Variants in LSMEM2 observed in about 807,000 individuals in gnomAD.
LSMEM2 encodes the protein leucine rich single-pass membrane protein 2, also known as leucine-rich single-pass membrane protein 2.
In LSMEM2, 20 loss-of-function variants were observed where a neutral mutation model predicts 17.3. The ratio of observed to expected loss-of-function variants is 1.16; its 90% confidence interval spans 0.81 to 1.68. The LOEUF is 1.68. LSMEM2 is among the 40% of genes most tolerant of loss of function. LSMEM2 has a pLI of 0.00. For synonymous variants in LSMEM2, 94 were observed against 97.8 expected (o/e 0.96, Z 0.23); for missense variants, 207 against 214.3 (o/e 0.97, Z 0.21).
chr3:50,284,966 G>A (rs1553708202), intron 1 of LSMEM2, among the ~76,000 whole-genome samples: 1 of 151,928 alleles, frequency 6.6e-6, no homozygotes, highest in African/African-American at 2.4e-5. Context: ...AACCCAGGAG[G>A]TGGAGGTTGC....
chr3:50,280,625 G>A (rs1410513456), intron 1 of LSMEM2, among the ~76,000 whole-genome samples: 3 of 136,168 alleles, frequency 2.2e-5, no homozygotes, highest in Non-Finnish European at 4.7e-5. Flanking sequence ...ATGGAGTCTC[G>A]CTCTGTCGCC....
chr3:50,277,916 G>A (rs1480868685), upstream of LSMEM2, among the ~76,000 whole-genome samples: 2 of 151,416 alleles, frequency 1.3e-5, no homozygotes, highest in Non-Finnish European at 2.9e-5. Flanking sequence ...GCAGTGAGCC[G>A]AGATCGCCCC....
chr3:50,280,274 G>A (rs1464851567), intron 1 of LSMEM2, among the ~76,000 whole-genome samples: 1 of 145,638 alleles, frequency 6.9e-6, no homozygotes, highest in Non-Finnish European at 1.5e-5. Context: ...CCTGTCTCAG[G>A]CTCCCAAGTA....
intron 1 of LSMEM2, among the ~76,000 whole-genome samples, chr3:50,281,670 ATTTTTTTTTTTTT>A (rs144025924): frequency 1.0e-5 from 1 of 95,470 alleles, no homozygotes; most frequent in South Asian, 3.2e-4. Context: ...GCAGCAGGGA[ATTTTTTTTTTTTT>A]TTTTTTTTTT....
At chr3:50,286,446 A>AAATC in intron 1 of LSMEM2, 25 bp from the exon 2 acceptor site, 1 of 1,571,608 alleles carries the variant, frequency 6.4e-7, no homozygotes, top group Non-Finnish European at 8.6e-7. Context: ...ACCACTGGCT[A>AAATC]AATCAGCCTG....
chr3:50,287,791 G>A lies in LSMEM2; in HGVS notation c.*589G>A. On this transcript the variant is annotated 3_prime_UTR_variant, in exon 4 of 4. Transcript: ENST00000316436. ...TATCTGTAATAATCCTTAAAAATCA[G>A]CACACAAATCCATTCCAGGTAGCTT... 4.2e-6 allele frequency: 1 copy of A among 237,150 alleles called. No individual in the cohort carries two copies. The highest frequency in any genetic ancestry group is 8.3e-6 in the Non-Finnish European group (1 of 120,006). 14.7% of individuals were successfully genotyped at this position (237,150 alleles called of 1,614,324 possible).
At chr3:50,279,243 C>A in intron 1 of LSMEM2, 72 bp downstream of exon 1, 1 of 1,403,616 alleles carries the variant, frequency 7.1e-7, no homozygotes, top group Non-Finnish European at 1.0e-6. Context: ...AGAGACCCAC[C>A]CTCTGTCCCA....
At position 50,279,097 on chromosome 3, in the gene LSMEM2, T is replaced by TC; in HGVS notation, c.-15dup. The TC allele has an allele frequency of 6.2e-7, 1 of 1,614,038 alleles. No homozygotes were observed. The highest frequency in any genetic ancestry group is 8.5e-7 in the Non-Finnish European group (1 of 1,179,918). ...CACAAAGGAGCCACTGCTGCATTTGTCCAGTCCTGCTACTGGATGCCATCA... is the reference window on the plus strand; with the variant it reads ...CACAAAGGAGCCACTGCTGCATTTGTCCCAGTCCTGCTACTGGATGCCATCA... On this transcript the variant is annotated 5_prime_UTR_variant, in exon 1 of 4. Coordinates refer to ENST00000316436, the MANE Select transcript of LSMEM2 (RefSeq NM_153215.3).
At chr3:50,285,146 AG>A (rs1701484963) in intron 1 of LSMEM2, among the ~76,000 whole-genome samples, 1 of 152,172 alleles carries the variant, frequency 6.6e-6, no homozygotes, top group African/African-American at 2.4e-5. Context: ...AGCCTGGCCA[AG>A]ATGGTGAAAC....
At chr3:50,281,119 G>C (rs1426060694) in intron 1 of LSMEM2, among the ~76,000 whole-genome samples, 5 of 150,884 alleles carry the variant, frequency 3.3e-5, no homozygotes, top group Non-Finnish European at 7.4e-5. Context: ...GCAGTGGCAC[G>C]ATCTTGGCTC....
chr3:50,286,596 C>T lies in LSMEM2; in HGVS notation c.172+12C>T. On this transcript the variant is annotated intron_variant, in intron 2 of 3. Coordinates refer to ENST00000316436, the MANE Select transcript of LSMEM2 (RefSeq NM_153215.3). ...CCTACATAGTGGAGGTGAGTGGGGACAGTGGGGTGGATGATGTGCTGGGGG... is the reference window on the plus strand; with the variant it reads ...CCTACATAGTGGAGGTGAGTGGGGATAGTGGGGTGGATGATGTGCTGGGGG... The T allele has an allele frequency of 1.2e-6, 2 of 1,611,510 alleles. No homozygotes were observed. The highest frequency in any genetic ancestry group is 8.5e-7 in the Non-Finnish European group (1 of 1,178,710).
chr3:50,286,184 A>T (rs1272246026), intron 1 of LSMEM2, among the ~76,000 whole-genome samples: 1 of 152,236 alleles, frequency 6.6e-6, no homozygotes, highest in Non-Finnish European at 1.5e-5. Flanking sequence ...CAAGGCTGAT[A>T]AACTGCTAGA....
chr3:50,278,496 C>T (rs1701323007), upstream of LSMEM2, among the ~76,000 whole-genome samples: 1 of 152,186 alleles, frequency 6.6e-6, no homozygotes, highest in African/African-American at 2.4e-5. Context: ...AGGGGAGACC[C>T]TTTACCTAAG....
intron 1 of LSMEM2, 147 bp downstream of exon 1, chr3:50,279,318 G>T: frequency 1.3e-6 from 1 of 742,580 alleles, no homozygotes; most frequent in Non-Finnish European, 2.3e-6. Context: ...AAAAGGACCT[G>T]CCCCCTGTGC....
At chr3:50,281,148 C>T (rs1195858358) in intron 1 of LSMEM2, among the ~76,000 whole-genome samples, 1 of 151,584 alleles carries the variant, frequency 6.6e-6, no homozygotes, top group Non-Finnish European at 1.5e-5. Context: ...CTCTGCCTCC[C>T]GGGTTCATGC....
Position 50,287,656 on chromosome 3 carries a change from G to C in LSMEM2, c.*454G>C. ...GGGAAGACTGCCTTGGAGGGCAAAG[G>C]TGACATCGTGGAAGACCAGTTGGGC... On this transcript the variant is annotated 3_prime_UTR_variant, in exon 4 of 4. Coordinates refer to ENST00000316436, the MANE Select transcript of LSMEM2 (RefSeq NM_153215.3). 1 of 228,658 alleles carries C rather than the reference G, an allele frequency of 4.4e-6. No homozygotes were observed. The highest frequency in any genetic ancestry group is 8.7e-6 in the Non-Finnish European group (1 of 114,434). 14.2% of individuals were successfully genotyped at this position (228,658 alleles called of 1,614,324 possible).
At chr3:50,280,742 C>T (rs1220492985) in intron 1 of LSMEM2, among the ~76,000 whole-genome samples, 12 of 151,474 alleles carry the variant, frequency 7.9e-5, no homozygotes, top group Non-Finnish European at 1.8e-4. Flanking sequence ...TACAGGAGCC[C>T]GCCACTACGC....
Position 50,287,229 on chromosome 3 carries a change from G to A in LSMEM2, c.*27G>A. 4 of 1,612,752 alleles carry A rather than the reference G, an allele frequency of 2.5e-6. No individual in the cohort carries two copies. The highest frequency in any genetic ancestry group is 1.7e-5 in the Admixed American group (1 of 59,936). On this transcript the variant is annotated 3_prime_UTR_variant, in exon 4 of 4. Coordinates refer to ENST00000316436, the MANE Select transcript of LSMEM2 (RefSeq NM_153215.3). The stretch of plus-strand genomic sequence containing the variant: ...ATGCCATTTGGATCTGGGGCCTGGG[G>A]GTGTGTGTTGGTGGGGGAATAAAGT...
At chr3:50,280,598 T>C (rs1205452932) in intron 1 of LSMEM2, among the ~76,000 whole-genome samples, 2 of 148,908 alleles carry the variant, frequency 1.3e-5, no homozygotes, top group African/African-American at 2.5e-5. Context: ...TTCTTTTCTT[T>C]TTTTTTTTTT....
Sources: allele counts gnomAD v4.1 joint callset (sites outside exome capture counted in the v4.1 genomes callset), GRCh38; gene constraint gnomAD v4.1.1; transcripts MANE v1.5; gene names NCBI Gene and HGNC (gene_info 2026-07-23, HGNC 2026-07-21).